The following ASL variants were observed in gnomAD, a reference collection of about 807,000 sequenced individuals.
ASL encodes argininosuccinase.
Under a neutral mutation model 69.1 loss-of-function variants are expected in ASL, and 51 were observed. The ratio of observed to expected loss-of-function variants is 0.74; its 90% confidence interval spans 0.59 to 0.93. The LOEUF is 0.93. ASL is among the 40% of genes least tolerant of loss of function. ASL has a pLI of 0.00. For missense variants in ASL, 540 were observed against 623.9 expected (o/e 0.87, Z 1.43); for synonymous variants, 241 against 247.6 (o/e 0.97, Z 0.25).
rs201894355 is a variant in ASL, at chr7:66,089,058, C to T, written c.834-33C>T. ...TGCGGCGCTGGACCAGCCAAGGGTC[C>T]AGCCCCTTCAGCGCCAGCACCTCTG... On this transcript the variant is annotated intron_variant, in intron 11 of 16. Coordinates refer to ENST00000304874, the MANE Select transcript of ASL (RefSeq NM_000048.4). 6.2e-4 allele frequency: 1,003 copies of T among 1,612,998 alleles called. 9 individuals are homozygous for T. Among genetic ancestry groups the T allele is most frequent in the Non-Finnish European group, 2.1e-4 (249 of 1,179,510 alleles).
chr7:66,091,793 G>A, intron 14 of ASL: 1 of 601,262 alleles, frequency 1.7e-6, no homozygotes, highest in Non-Finnish European at 3.0e-6. Flanking sequence ...ATAAAGGCCA[G>A]TAAAACATAC....
intron 6 of ASL, among the ~76,000 whole-genome samples, chr7:66,086,092 A>C (rs74444634): frequency 0.012 from 1,834 of 152,242 alleles, 18 homozygotes; most frequent in Middle Eastern, 0.034. Flanking sequence ...TGTCTCTAAA[A>C]ATAAAAACAA....
intron 15 of ASL, 84 bp from the exon 16 acceptor site, chr7:66,092,473 A>G: frequency 7.5e-7 from 1 of 1,328,162 alleles, no homozygotes; most frequent in Non-Finnish European, 1.0e-6. Flanking sequence ...AAAAAAAAAA[A>G]AAAAGGAAGG....
intron 4 of ASL, 112 bp downstream of exon 4, chr7:66,082,563 G>A: frequency 8.0e-7 from 1 of 1,249,060 alleles, no homozygotes; most frequent in Non-Finnish European, 1.1e-6. Context: ...GACAGCATGT[G>A]AGACCTCAGG....
At chr7:66,080,550 C>T (rs1786474921) in intron 2 of ASL, among the ~76,000 whole-genome samples, 1 of 151,582 alleles carries the variant, frequency 6.6e-6, no homozygotes, top group Admixed American at 6.6e-5. Context: ...TGGTGAAACC[C>T]CGTCTCTACT....
chr7:66,088,795 C>G lies in ASL; in HGVS notation c.719-12C>G. ...TGGGAGAGGCCTGGTGACTGGGAAC[C>G]TTTTCTCCCAGCCGAGTTCCTGTTC... On this transcript the variant is annotated splice_polypyrimidine_tract_variant and intron_variant, in intron 10 of 16. Coordinates refer to ENST00000304874, the MANE Select transcript of ASL (RefSeq NM_000048.4). 1 of 1,608,798 alleles carries G rather than the reference C, an allele frequency of 6.2e-7. No individual in the cohort carries two copies. Among genetic ancestry groups the G allele is most frequent in the Non-Finnish European group, 8.5e-7 (1 of 1,176,746 alleles).
rs992918674 is a variant in ASL, at chr7:66,093,151, A to T, written c.*239A>T. On this transcript the variant is annotated 3_prime_UTR_variant, in exon 17 of 17. Transcript: ENST00000304874. ...GCAACACAGGGAGACCCCCATCTCTACTCAATAATAAAACAAATAGCCTGG... is the reference window on the plus strand; with the variant it reads ...GCAACACAGGGAGACCCCCATCTCTTCTCAATAATAAAACAAATAGCCTGG... The T allele has an allele frequency of 4.9e-6, 3 of 612,664 alleles. No individual in the cohort carries two copies. In the Admixed American group the frequency reaches 8.7e-5, roughly 18 times the overall value. 38.0% of individuals were successfully genotyped at this position (612,664 alleles called of 1,614,324 possible).
At chr7:66,079,246 G>A (rs1391477036) in intron 2 of ASL, among the ~76,000 whole-genome samples, 1 of 152,076 alleles carries the variant, frequency 6.6e-6, no homozygotes, top group East Asian at 1.9e-4. Flanking sequence ...TGCCAGGCCA[G>A]GTGGTTAATA....
At chr7:66,088,267 G>A (rs1786728027) in intron 10 of ASL, among the ~76,000 whole-genome samples, 2 of 151,892 alleles carry the variant, frequency 1.3e-5, no homozygotes, top group Non-Finnish European at 2.9e-5. Flanking sequence ...GATCACATGA[G>A]GTCAGGAGTT....
intron 6 of ASL, among the ~76,000 whole-genome samples, chr7:66,083,633 G>A (rs994022399): frequency 9.9e-5 from 15 of 151,534 alleles, no homozygotes; most frequent in African/African-American, 2.7e-4. Context: ...GCAATGAGCC[G>A]AGATCGCGCC....
intron 6 of ASL, among the ~76,000 whole-genome samples, chr7:66,083,677 C>T (rs919524353): frequency 1.3e-5 from 2 of 151,126 alleles, no homozygotes; most frequent in African/African-American, 4.9e-5. Context: ...GAGCGAGACT[C>T]CTGTCTCAAA....
intron 2 of ASL, among the ~76,000 whole-genome samples, chr7:66,077,622 G>A (rs143052901): frequency 6.6e-6 from 1 of 151,784 alleles, no homozygotes; most frequent in East Asian, 1.9e-4. Flanking sequence ...CCAGCTATTC[G>A]GGAGGCTGAG....
chr7:66,087,303 C>G (rs895034522), intron 8 of ASL, 31 bp from the exon 9 acceptor site: 2 of 1,597,332 alleles, frequency 1.3e-6, no homozygotes, highest in Non-Finnish European at 1.7e-6. Context: ...CTGCCAGGAG[C>G]CCTGGTCACC....
In ASL at chr7:66,089,133, T is replaced by G. The variant is rs762064987; in HGVS notation, c.876T>G (p.Ser292Arg). The change falls in exon 12 of 17, where the codon AGT becomes AGG. Residue 292 changes from serine (S) to arginine (R), a missense_variant. Physicochemically the swap from Ser to Arg is moderately radical, Grantham distance 110 (BLOSUM62 -1). Transcript: ENST00000304874. ...TGCCCCAGAAGAAAAACCCCGACAG[T>G]TTGGAGCTGATCCGGAGCAAGGCTG... is the stretch of plus-strand genomic sequence containing the variant. ...SLMPQKKNPD[S>R]LELIRSKAGR... is the part of the protein sequence containing the mutation. 1.9e-6 allele frequency: 3 copies of G among 1,613,826 alleles called. No individual in the cohort carries two copies. The highest frequency in any genetic ancestry group is 2.5e-6 in the Non-Finnish European group (3 of 1,179,898).
At chr7:66,091,477 T>G (rs932186777) in intron 14 of ASL, among the ~76,000 whole-genome samples, 3 of 152,192 alleles carry the variant, frequency 2.0e-5, no homozygotes, top group African/African-American at 7.2e-5. Context: ...GGAGGATCCC[T>G]TGAGCCCAGG....
chr7:66,087,676 A>C, intron 9 of ASL, 53 bp from the exon 10 acceptor site: 1 of 1,604,706 alleles, frequency 6.2e-7, no homozygotes, highest in South Asian at 1.1e-5. Context: ...GTTGGGGGAG[A>C]GGGGGCCACT....
rs546685663 is a variant in ASL at position 66,083,399 on chromosome 7, G to A, written c.446+225G>A. 127 of 486,642 alleles carry A rather than the reference G, an allele frequency of 2.6e-4. 2 individuals are homozygous for A. Among genetic ancestry groups the A allele is most frequent in the Middle Eastern group, 1.9e-3 (3 of 1,604 alleles). The allele number at this position is 486,642 out of a possible 1,614,324, so 30.1% of individuals were successfully genotyped here. ...AGCAGGCAGAGAAGACTAACCCTTCGTGGGGCTGGGTGCGGTGGCTCACGC... is the reference window on the plus strand; with the variant it reads ...AGCAGGCAGAGAAGACTAACCCTTCATGGGGCTGGGTGCGGTGGCTCACGC... On this transcript the variant is annotated intron_variant, in intron 6 of 16. Transcript: ENST00000304874.
At position 66,086,615 on chromosome 7, in the gene ASL, C is replaced by T; in HGVS notation, c.477C>T (p.Thr159=). Residue 159 remains threonine, a synonymous_variant, in exon 7 of 17, where the codon ACC becomes ACT. Coordinates refer to ENST00000304874, the MANE Select transcript of ASL (RefSeq NM_000048.4). The part of the protein sequence containing the change: ...AERDVLFPGY[T]HLQRAQPIRW... ...GTGATGTTCTCTTCCCGGGGTACAC[C>T]CATTTGCAGAGGGCCCAGCCCATCC... The T allele has an allele frequency of 6.2e-7, 1 of 1,613,934 alleles. No homozygotes were observed. Among genetic ancestry groups the T allele is most frequent in the Non-Finnish European group, 8.5e-7 (1 of 1,180,034 alleles).
chr7:66,089,468 G>T, intron 13 of ASL, 133 bp downstream of exon 13: 1 of 1,436,682 alleles, frequency 7.0e-7, no homozygotes, highest in South Asian at 1.2e-5. Flanking sequence ...GGCTGCCCTT[G>T]AACTCTCTGC....
Sources: allele counts gnomAD v4.1 joint callset (sites outside exome capture counted in the v4.1 genomes callset), GRCh38; gene constraint gnomAD v4.1.1; transcripts MANE v1.5; gene names NCBI Gene and HGNC (gene_info 2026-07-23, HGNC 2026-07-21).